MYH15: variants seen among roughly 807,000 people sequenced by gnomAD.
The protein encoded by MYH15 is myosin-15.
MYH15 carries 227 observed loss-of-function variants against 240.5 expected under a neutral mutation model. The observed-to-expected ratio is 0.94, with a 90% CI of 0.85 to 1.05. The LOEUF (loss-of-function observed/expected upper bound fraction) is 1.05, where lower values mean the gene tolerates loss of function less well. Among genes scored for constraint, MYH15 ranks in the 50% least tolerant of loss-of-function variants. The probability of loss-of-function intolerance (pLI) is 0.00; values close to 1 mark genes in which losing one functional copy is unlikely to be tolerated. For synonymous variants in MYH15, 785 were observed against 796.7 expected (o/e 0.99, Z 0.25); for missense variants, 2,217 against 2,247.5 (o/e 0.99, Z 0.27).
rs2082678652 is a variant in MYH15, at chr3:108,421,078, A to G, written c.3829+10T>C. The stretch of plus-strand genomic sequence containing the variant: ...GAATTGCCTATGAGTCAAGCAGCAT[A>G]CTTACTTACCACTCTCACTCCACAG... On this transcript the variant is annotated intron_variant, in intron 28 of 40. Transcript: ENST00000693548. 6.2e-7 allele frequency: 1 copy of G among 1,613,712 alleles called. No homozygotes were observed. The highest frequency in any genetic ancestry group is 1.3e-5 in the African/African-American group (1 of 74,922).
chr3:108,381,489 T>C lies in MYH15; in HGVS notation c.*56A>G. The C allele has an allele frequency of 1.2e-6, 2 of 1,602,558 alleles. No homozygotes were observed. The highest frequency in any genetic ancestry group is 1.1e-5 in the South Asian group (1 of 90,694). On this transcript the variant is annotated 3_prime_UTR_variant, in exon 41 of 41. Coordinates refer to ENST00000693548, the MANE Select transcript of MYH15 (RefSeq NM_014981.3). ...TCCATGCAACCTAAGTTTTTGGCCA[T>C]GAAACAGCACCTTCCTTGTACTTCT...
chr3:108,463,878 T>C (rs2107582873), intron 15 of MYH15, among the ~76,000 whole-genome samples: 1 of 151,794 alleles, frequency 6.6e-6, no homozygotes, highest in South Asian at 2.1e-4. Context: ...GAAGGAAGGA[T>C]TGAATGGCAT....
intron 7 of MYH15, among the ~76,000 whole-genome samples, chr3:108,495,225 T>A (rs2083381376): frequency 6.6e-6 from 1 of 152,314 alleles, no homozygotes; most frequent in Non-Finnish European, 1.5e-5. Context: ...TAAACTAGGT[T>A]TAGAAATCCA....
the MYH15 span, among the ~76,000 whole-genome samples, chr3:108,535,327 C>T: frequency 8.5e-5 from 13 of 152,148 alleles, no homozygotes; most frequent in Non-Finnish European, 1.8e-4. Flanking sequence ...AAGGCATCAG[C>T]AGATTTGGTG....
At chr3:108,405,053 TGATATA>T (rs1458500050) in intron 33 of MYH15, 4 of 184,838 alleles carry the variant, frequency 2.2e-5, no homozygotes, top group Non-Finnish European at 4.4e-5. Flanking sequence ...TCACCACTAT[TGATATA>T]AAGGAATATC....
intron 21 of MYH15, among the ~76,000 whole-genome samples, chr3:108,446,487 A>T (rs2082929266): frequency 1.3e-5 from 2 of 152,216 alleles, no homozygotes; most frequent in South Asian, 4.1e-4. Context: ...AAAGACCAAA[A>T]GGTGTACTAC....
At chr3:108,532,970 A>G (rs2083721526), upstream of MYH15, among the ~76,000 whole-genome samples, 1 of 152,156 alleles carries the variant, frequency 6.6e-6, no homozygotes, top group African/African-American at 2.4e-5. Flanking sequence ...AAACATGATG[A>G]CAGTGATTAT....
intron 11 of MYH15, among the ~76,000 whole-genome samples, chr3:108,479,693 C>T (rs148181620): frequency 1.3e-5 from 2 of 152,016 alleles, no homozygotes; most frequent in Non-Finnish European, 2.9e-5. Context: ...AACCAGGTTT[C>T]GTAAGTTTAT....
chr3:108,502,420 T>C (rs1447278378), intron 2 of MYH15, among the ~76,000 whole-genome samples: 1 of 152,220 alleles, frequency 6.6e-6, no homozygotes, highest in African/African-American at 2.4e-5. Context: ...TAGACTATTT[T>C]CTGGCTAGAT....
At chr3:108,399,356 G>A in intron 33 of MYH15, 89 bp from the exon 34 acceptor site, 2 of 1,083,510 alleles carry the variant, frequency 1.8e-6, no homozygotes, top group Non-Finnish European at 1.3e-6. Context: ...ACAAGAAACA[G>A]AAAAAGAATA....
intron 3 of MYH15, among the ~76,000 whole-genome samples, chr3:108,500,981 G>C (rs931704643): frequency 6.6e-6 from 1 of 152,192 alleles, no homozygotes; most frequent in Admixed American, 6.5e-5. Flanking sequence ...CCTCCAGAGG[G>C]AGTGCAGCCC....
chr3:108,507,442 G>T (rs1008702574), intron 1 of MYH15, among the ~76,000 whole-genome samples: 1 of 56,780 alleles, frequency 1.8e-5, no homozygotes, highest in Non-Finnish European at 4.8e-5. Flanking sequence ...CAGGTAATGC[G>T]AACTCAGTCA....
chr3:108,388,835 A>T, intron 38 of MYH15, 135 bp downstream of exon 38: 1 of 657,938 alleles, frequency 1.5e-6, no homozygotes, highest in Non-Finnish European at 2.6e-6. Flanking sequence ...AGGGTGAGTC[A>T]GTGTCTACTG....
At chr3:108,454,211 G>A (rs1271722874) in intron 20 of MYH15, 69 bp from the exon 21 acceptor site, 1 of 1,403,892 alleles carries the variant, frequency 7.1e-7, no homozygotes, top group Non-Finnish European at 9.7e-7. Context: ...AAATGATCCT[G>A]TGAGCAACTG....
At chr3:108,499,707 T>C (rs1486666336) in intron 4 of MYH15, among the ~76,000 whole-genome samples, 5 of 152,210 alleles carry the variant, frequency 3.3e-5, no homozygotes, top group Admixed American at 2.0e-4. Flanking sequence ...GCCTACTTCT[T>C]TGCGCTACAT....
chr3:108,447,553 T>C (rs1375563516), intron 21 of MYH15, among the ~76,000 whole-genome samples: 10 of 150,034 alleles, frequency 6.7e-5, no homozygotes, highest in African/African-American at 2.2e-4. Context: ...CAGAAGAGAG[T>C]GGTGTGATAT....
intron 35 of MYH15, among the ~76,000 whole-genome samples, chr3:108,397,931 C>G (rs2082474147): frequency 6.6e-6 from 1 of 152,042 alleles, no homozygotes; most frequent in South Asian, 2.1e-4. Flanking sequence ...CTGTGGATGC[C>G]CTGACAATCC....
chr3:108,465,027 G>A (rs2083103038), intron 14 of MYH15, among the ~76,000 whole-genome samples: 1 of 152,172 alleles, frequency 6.6e-6, no homozygotes, highest in Non-Finnish European at 1.5e-5. Context: ...ATGCAGCTGT[G>A]AGCCACATAT....
chr3:108,480,166 G>A (rs1418057095), intron 11 of MYH15, among the ~76,000 whole-genome samples: 1 of 152,176 alleles, frequency 6.6e-6, no homozygotes, highest in African/African-American at 2.4e-5. Flanking sequence ...AGTAGGGAAA[G>A]AGCCCTTCTG....
Sources: allele counts gnomAD v4.1 joint callset (sites outside exome capture counted in the v4.1 genomes callset), GRCh38; gene constraint gnomAD v4.1.1; transcripts MANE v1.5; gene names NCBI Gene and HGNC (gene_info 2026-07-23, HGNC 2026-07-21).